The following RBFOX1 variants were observed in gnomAD, a reference collection of about 807,000 sequenced individuals.
RBFOX1 encodes RNA binding protein fox-1 homolog 1.
In RBFOX1, 8 loss-of-function variants were observed where a neutral mutation model predicts 57.7. The ratio of observed to expected loss-of-function variants is 0.14; its 90% CI spans 0.08 to 0.25. RBFOX1 has a LOEUF of 0.25. Ranked by LOEUF, RBFOX1 falls within the 10% of genes least tolerant of loss-of-function variation. RBFOX1 has a pLI of 1.00. For missense variants in RBFOX1, 611 were observed against 548.5 expected (o/e 1.11, Z -1.14); for synonymous variants, 326 against 222.4 (o/e 1.47, Z -4.15).
chr16:7,379,665 T>A (rs79264778), intron 4 of RBFOX1, among the ~76,000 whole-genome samples: 11,032 of 152,138 alleles, frequency 0.073, 508 homozygotes, highest in East Asian at 0.19. Context: ...TTAGACAGGG[T>A]ATTTAGCCAC....
At chr16:6,918,067 G>T (rs932226091) in intron 3 of RBFOX1, among the ~76,000 whole-genome samples, 1 of 152,034 alleles carries the variant, frequency 6.6e-6, no homozygotes, top group Non-Finnish European at 1.5e-5. Context: ...CGGGTGGATC[G>T]CTTGAGGTCA....
intron 3 of RBFOX1, among the ~76,000 whole-genome samples, chr16:5,661,481 A>G (rs1596638450): frequency 6.6e-6 from 1 of 152,334 alleles, no homozygotes; most frequent in East Asian, 1.9e-4. Context: ...CCTAGTCTCC[A>G]GTAGATATCC....
Position 7,694,684 on chromosome 16 carries a change from T to C in RBFOX1, c.996-14372T>C, listed in dbSNP as rs149712535. ...TTAACACTTTACTAATGCCCAGTGC[T>C]AGGTGCAATGGTTAATTGAATTGCT... On this transcript the variant is annotated intron_variant, in intron 14 of 15. Transcript: ENST00000550418. 4.1e-3 allele frequency among the ~76,000 whole-genome samples: 630 copies of C among 152,350 alleles called. 3 individuals carry two copies. The highest frequency in any genetic ancestry group is 7.0e-3 in the Non-Finnish European group (475 of 68,032).
At position 5,834,425 on chromosome 16, in the gene RBFOX1, T is replaced by C. The variant is rs1187304931; in HGVS notation, c.319-32878T>C. Among the ~76,000 whole-genome samples the C allele has an allele frequency of 3.9e-5, 6 of 152,216 alleles. No homozygotes were observed. The South Asian group carries it at 1.0e-3, about 26-fold the overall frequency. ...GTTCCATCCAAGTTGATGCAAAAGATAGTATTTTGTTCTTTTCATGGCTGA... is the reference window on the plus strand; with the variant it reads ...GTTCCATCCAAGTTGATGCAAAAGACAGTATTTTGTTCTTTTCATGGCTGA... On this transcript the variant is annotated intron_variant, in intron 3 of 19. Transcript: ENST00000641259.
chr16:7,438,445 A>G (rs1463892511), intron 4 of RBFOX1, among the ~76,000 whole-genome samples: 2 of 152,108 alleles, frequency 1.3e-5, no homozygotes, highest in Non-Finnish European at 2.9e-5. Context: ...GGAGGGCAGA[A>G]GAAGGTAATC....
chr16:7,670,671 A>C (rs964517276), intron 13 of RBFOX1, among the ~76,000 whole-genome samples: 15 of 152,322 alleles, frequency 9.8e-5, no homozygotes, highest in African/African-American at 3.4e-4. Context: ...TTTTAACATA[A>C]GGAAGCAAAT....
At chr16:7,173,767 C>T (rs2081156027) in intron 4 of RBFOX1, among the ~76,000 whole-genome samples, 1 of 152,192 alleles carries the variant, frequency 6.6e-6, no homozygotes, top group African/African-American at 2.4e-5. Context: ...GTTCCACTTG[C>T]AGCACAAAGC....
intron 4 of RBFOX1, among the ~76,000 whole-genome samples, chr16:7,081,610 G>A (rs896003014): frequency 1.3e-5 from 2 of 152,134 alleles, no homozygotes; most frequent in Non-Finnish European, 2.9e-5. Context: ...CATTGACTCA[G>A]TACAAATTGA....
intron 3 of RBFOX1, among the ~76,000 whole-genome samples, chr16:6,862,036 T>G (rs889030234): frequency 6.6e-6 from 1 of 151,992 alleles, no homozygotes; most frequent in Non-Finnish European, 1.5e-5. Context: ...TAAGCTCCAG[T>G]CAATACTGTC....
At chr16:5,536,692 G>A (rs1311335825) in intron 2 of RBFOX1, among the ~76,000 whole-genome samples, 2 of 152,038 alleles carry the variant, frequency 1.3e-5, no homozygotes, top group African/African-American at 4.8e-5. Flanking sequence ...AGTTTATATA[G>A]CAGAGAAGGG....
chr16:5,296,586 A>G (rs977249623), intron 1 of RBFOX1, among the ~76,000 whole-genome samples: 2 of 151,950 alleles, frequency 1.3e-5, no homozygotes, highest in South Asian at 2.1e-4. Flanking sequence ...TTTTTTAACA[A>G]TAGAGCTCTT....
intron 3 of RBFOX1, among the ~76,000 whole-genome samples, chr16:6,864,254 C>A (rs992188322): frequency 6.6e-6 from 1 of 152,104 alleles, no homozygotes; most frequent in African/African-American, 2.4e-5. Flanking sequence ...CATAACTCTT[C>A]CACATTTAGA....
Position 7,653,874 on chromosome 16 carries a change from C to A in RBFOX1, c.817C>A (p.Arg273=). The change falls in exon 12 of 16, where the codon CGA becomes AGA. Residue 273 remains arginine, a synonymous_variant. Coordinates refer to ENST00000550418, the MANE Select transcript of RBFOX1 (RefSeq NM_018723.4). ...AAAAYRGAHL[R]GRGRTVYNTF... is the part of the protein sequence containing the mutation. ...GGCCGCCTACCGAGGGGCGCACCTGCGAGGCCGCGGTCGCACCGTGTACAA... is the reference window on the plus strand; with the variant it reads ...GGCCGCCTACCGAGGGGCGCACCTGAGAGGCCGCGGTCGCACCGTGTACAA... 1.2e-6 allele frequency: 2 copies of A among 1,603,488 alleles called. No homozygotes were observed. Among genetic ancestry groups the A allele is most frequent in the South Asian group, 1.1e-5 (1 of 90,942 alleles).
chr16:7,302,733 A>C (rs2096063755), intron 4 of RBFOX1, among the ~76,000 whole-genome samples: 1 of 135,238 alleles, frequency 7.4e-6, no homozygotes, highest in Admixed American at 8.3e-5. Flanking sequence ...CCAAGAATGC[A>C]AGAATGTGCT....
intron 1 of RBFOX1, among the ~76,000 whole-genome samples, chr16:5,459,536 A>T (rs2068728577): frequency 6.6e-6 from 1 of 152,138 alleles, no homozygotes; most frequent in Admixed American, 6.5e-5. Flanking sequence ...TCTCAAGGCC[A>T]TCTCAAATGC....
chr16:6,648,259 C>G (rs529790651), intron 2 of RBFOX1, among the ~76,000 whole-genome samples: 1 of 151,540 alleles, frequency 6.6e-6, no homozygotes, highest in African/African-American at 2.4e-5. Context: ...CACTGTCTCC[C>G]TAAGGTTTCC....
intron 1 of RBFOX1, among the ~76,000 whole-genome samples, chr16:5,463,948 A>G (rs146412979): frequency 6.6e-6 from 1 of 152,348 alleles, no homozygotes; most frequent in East Asian, 1.9e-4. Context: ...AGAGGTGTCC[A>G]GCAGCCTTTG....
At chr16:6,124,187 A>C (rs2152648173) in intron 1 of RBFOX1, among the ~76,000 whole-genome samples, 1 of 152,244 alleles carries the variant, frequency 6.6e-6, no homozygotes, top group South Asian at 2.1e-4. Flanking sequence ...AAAAACTGAA[A>C]CTGGATTCCC....
At chr16:6,198,365 C>G (rs572516255) in intron 1 of RBFOX1, among the ~76,000 whole-genome samples, 1 of 152,298 alleles carries the variant, frequency 6.6e-6, no homozygotes, top group South Asian at 2.1e-4. Flanking sequence ...GGAATGCTCT[C>G]TAAACATAAT....
Sources: allele counts gnomAD v4.1 joint callset (sites outside exome capture counted in the v4.1 genomes callset), GRCh38; gene constraint gnomAD v4.1.1; transcripts MANE v1.5; gene names NCBI Gene and HGNC (gene_info 2026-07-23, HGNC 2026-07-21).